The following RNMT variants were observed in gnomAD, a reference collection of about 807,000 sequenced individuals.
RNMT encodes RNA guanine-7 methyltransferase.
Under a neutral mutation model 56.0 loss-of-function variants are expected in RNMT, and 27 were observed. The ratio of observed to expected loss-of-function variants is 0.48; its 90% CI spans 0.36 to 0.67. RNMT has a LOEUF of 0.67. Ranked by LOEUF, RNMT falls within the 30% of genes least tolerant of loss-of-function variation. RNMT has a pLI of 0.00. For synonymous variants in RNMT, 184 were observed against 176.2 expected (o/e 1.04, Z -0.35); for missense variants, 519 against 552.1 (o/e 0.94, Z 0.60).
chr18:13,731,822 CAAAGA>C lies in RNMT; in HGVS notation c.314_318del (p.Arg105LysfsTer4). The C allele has an allele frequency of 6.2e-7, 1 of 1,612,760 alleles. No individual in the cohort carries two copies. Among genetic ancestry groups the C allele is most frequent in the Non-Finnish European group, 8.5e-7 (1 of 1,179,560 alleles). ...GATTGTGGTGATGCTGAAGGCAATT[CAAAGA>C]AAAGAAAAAGAGAAACTGAGGATGT... is the stretch of plus-strand genomic sequence containing the variant. On this transcript the variant is annotated frameshift_variant, in exon 3 of 12. Coordinates refer to ENST00000383314, the MANE Select transcript of RNMT (RefSeq NM_003799.3). LOFTEE classifies it high-confidence loss of function.
intron 5 of RNMT, among the ~76,000 whole-genome samples, chr18:13,739,060 C>G (rs1457516354): frequency 2.0e-5 from 3 of 152,162 alleles, no homozygotes; most frequent in Admixed American, 6.5e-5. Flanking sequence ...GTGACAGGTT[C>G]ACTTTGTTCA....
At chr18:13,727,512 T>TGATA (rs1376331384) in intron 1 of RNMT, among the ~76,000 whole-genome samples, 1 of 152,248 alleles carries the variant, frequency 6.6e-6, no homozygotes, top group African/African-American at 2.4e-5. Flanking sequence ...CAGGTGCAGG[T>TGATA]GATACTTTGA....
intron 9 of RNMT, among the ~76,000 whole-genome samples, chr18:13,748,110 A>G (rs764905602): frequency 3.9e-5 from 6 of 152,206 alleles, no homozygotes; most frequent in Non-Finnish European, 7.3e-5. Flanking sequence ...AAGCATTCCA[A>G]GTGCAGTGAG....
At chr18:13,741,780 T>C in intron 7 of RNMT, 89 bp downstream of exon 7, 1 of 807,570 alleles carries the variant, frequency 1.2e-6, no homozygotes, top group Non-Finnish European at 1.9e-6. Context: ...TAAAATACGC[T>C]ATTTTAATCT....
At chr18:13,742,363 G>C in intron 7 of RNMT, 125 bp from the exon 8 acceptor site, 1 of 774,448 alleles carries the variant, frequency 1.3e-6, no homozygotes, top group Non-Finnish European at 2.0e-6. Context: ...AGGTAGCCCA[G>C]ATATAATTAA....
At chr18:13,741,347 G>C (rs2044247849) in intron 6 of RNMT, among the ~76,000 whole-genome samples, 163 bp from the exon 7 acceptor site, 1 of 152,172 alleles carries the variant, frequency 6.6e-6, no homozygotes, top group Non-Finnish European at 1.5e-5. Flanking sequence ...AAATTATTCT[G>C]TTAAACTAGA....
At chr18:13,747,143 A>G (rs1225475645) in intron 9 of RNMT, among the ~76,000 whole-genome samples, 3 of 152,312 alleles carry the variant, frequency 2.0e-5, no homozygotes, top group African/African-American at 4.8e-5. Context: ...TACTTTAAGC[A>G]TACTCTGACT....
At chr18:13,744,156 C>CTTTTTTTTTTTTTTTTT (rs1555794897) in intron 8 of RNMT, among the ~76,000 whole-genome samples, 8 of 25,948 alleles carry the variant, frequency 3.1e-4, no homozygotes, top group African/African-American at 1.0e-3. Flanking sequence ...ACCTAGCGGT[C>CTTTTTTTTTTTTTTTTT]TTCTTTTTTT....
chr18:13,750,970 T>A (rs2044433030), intron 9 of RNMT, among the ~76,000 whole-genome samples: 1 of 152,138 alleles, frequency 6.6e-6, no homozygotes, highest in Non-Finnish European at 1.5e-5. Context: ...TAACTCAAGA[T>A]GGATTAAAGA....
At chr18:13,749,327 G>A (rs770878965) in intron 9 of RNMT, among the ~76,000 whole-genome samples, 6 of 152,218 alleles carry the variant, frequency 3.9e-5, no homozygotes, top group Admixed American at 2.0e-4. Context: ...AAAAAAAACT[G>A]ATTGGTAATC....
intron 8 of RNMT, 123 bp downstream of exon 8, chr18:13,742,775 T>G (rs1005594979): frequency 1.4e-6 from 1 of 736,690 alleles, no homozygotes; most frequent in Non-Finnish European, 2.1e-6. Flanking sequence ...ATAATCTTGT[T>G]TTTTTGTTTT....
intron 8 of RNMT, among the ~76,000 whole-genome samples, chr18:13,744,874 A>G (rs931859349): frequency 3.9e-5 from 6 of 152,214 alleles, no homozygotes; most frequent in African/African-American, 1.4e-4. Flanking sequence ...ATACATGATT[A>G]TAAACTTGGC....
chr18:13,734,390 C>G (rs906768312), intron 3 of RNMT, 74 bp from the exon 4 acceptor site: 41 of 1,339,840 alleles, frequency 3.1e-5, no homozygotes, highest in Non-Finnish European at 3.0e-5. Flanking sequence ...TATCCATTCA[C>G]AGGTCAAATG....
rs1294218793 is a variant in RNMT at position 13,760,958 on chromosome 18, G to A, written c.*979G>A. On this transcript the variant is annotated 3_prime_UTR_variant, in exon 12 of 12. Transcript: ENST00000383314. Reference sequence around the variant, plus strand: ...GCTTTTCCAAAACTGGTACTTATGTGAACTGTTGTCCTTGCTTTACACCAC... The same window carrying A: ...GCTTTTCCAAAACTGGTACTTATGTAAACTGTTGTCCTTGCTTTACACCAC... The A allele has an allele frequency of 1.0e-6, 1 of 985,276 alleles. No homozygotes were observed. Among genetic ancestry groups the A allele is most frequent in the Non-Finnish European group, 1.2e-6 (1 of 829,918 alleles). The allele number at this position is 985,276 out of a possible 1,614,324, so 61.0% of individuals were successfully genotyped here. A position where few individuals can be genotyped will look rare whatever the true frequency, so the allele number is the denominator to read the frequency against.
chr18:13,747,767 C>A (rs1458738402), intron 9 of RNMT, among the ~76,000 whole-genome samples: 2 of 152,004 alleles, frequency 1.3e-5, no homozygotes, highest in East Asian at 3.9e-4. Flanking sequence ...ATTTCCTATA[C>A]TTTAGATCTA....
chr18:13,734,451 CTT>C lies in RNMT; in HGVS notation c.418-10_418-9del, dbSNP rs546051925. ...CTGATCCTTGATTTTTTTCTATTCT[CTT>C]TTATTTTCAGAATCTGGAAGAAGGA... On this transcript the variant is annotated splice_polypyrimidine_tract_variant and intron_variant, in intron 3 of 11. Coordinates refer to ENST00000383314, the MANE Select transcript of RNMT (RefSeq NM_003799.3). 6.1e-4 allele frequency: 967 copies of C among 1,588,398 alleles called. 1 individual carries two copies. Among genetic ancestry groups the C allele is most frequent in the Non-Finnish European group, 7.4e-4 (868 of 1,170,592 alleles).
chr18:13,739,953 T>C (rs2044224985), intron 5 of RNMT, among the ~76,000 whole-genome samples: 1 of 152,236 alleles, frequency 6.6e-6, no homozygotes, highest in African/African-American at 2.4e-5. Flanking sequence ...AGAACTTTTA[T>C]AGCGTCCGTA....
At position 13,762,561 on chromosome 18, in the gene RNMT, C is replaced by A. The variant is rs1568519334; in HGVS notation, c.*2582C>A. On this transcript the variant is annotated 3_prime_UTR_variant, in exon 12 of 12. Transcript: ENST00000383314. ...AGACTCTCACTTATGTTAATGCAAT[C>A]TTGAAATGACTGAAAGGTAGATTGC... 4.9e-6 allele frequency: 1 copy of A among 202,102 alleles called. No homozygotes were observed. The highest frequency in any genetic ancestry group is 1.4e-4 in the East Asian group (1 of 7,108). The allele number at this position is 202,102 out of a possible 1,614,324, so 12.5% of individuals were successfully genotyped here.
intron 8 of RNMT, 94 bp downstream of exon 8, chr18:13,742,746 T>C: frequency 1.1e-6 from 1 of 931,178 alleles, no homozygotes; most frequent in South Asian, 1.8e-5. Context: ...TTATTTTAAA[T>C]GAGGGCTAAA....
Sources: allele counts gnomAD v4.1 joint callset (sites outside exome capture counted in the v4.1 genomes callset), GRCh38; gene constraint gnomAD v4.1.1; transcripts MANE v1.5; gene names NCBI Gene and HGNC (gene_info 2026-07-23, HGNC 2026-07-21).